Variants in MARF1 observed in about 807,000 individuals in gnomAD.
The protein encoded by MARF1 is meiosis regulator and mRNA stability factor 1, also known as limkain-b1.
MARF1 carries 24 observed loss-of-function variants against 168.2 expected under a neutral mutation model. The observed-to-expected ratio is 0.14, with a 90% CI of 0.10 to 0.20. The LOEUF is 0.20. Ranked by LOEUF, MARF1 falls within the 10% of genes least tolerant of loss-of-function variation. MARF1 has a pLI of 1.00. For missense variants in MARF1, 1,744 were observed against 2,143.6 expected, an observed-to-expected ratio of 0.81 and a Z score of 3.68; for synonymous variants, 868 against 822.4, an observed-to-expected ratio of 1.06 and a Z score of -0.95.
Position 15,612,766 on chromosome 16 carries a change from G to A in MARF1, c.3265C>T (p.Leu1089=). The change falls in exon 17 of 27, where the codon CTG becomes TTG. Residue 1089 remains leucine, a synonymous_variant. Transcript: ENST00000396368. ...PPPPNTDPWL[L]RSKSPVGNPQ... is the part of the protein sequence containing the mutation. The stretch of plus-strand genomic sequence containing the variant: ...TTACCTACAGGACTCTTCGAACGCA[G>A]AAGCCAAGGGTCTAGAAGAAAAAGA... 1 of 1,613,906 alleles carries A rather than the reference G, an allele frequency of 6.2e-7. No individual in the cohort carries two copies. Among genetic ancestry groups the A allele is most frequent in the Non-Finnish European group, 8.5e-7 (1 of 1,179,814 alleles).
At position 15,642,378 on chromosome 16, in the gene MARF1, CTGT is replaced by C. The variant is rs1459064769; in HGVS notation, c.-59+637_-59+639del. On this transcript the variant is annotated intron_variant, in intron 1 of 26. Coordinates refer to ENST00000396368, the MANE Select transcript of MARF1 (RefSeq NM_014647.4). ...ATGCCTGGCATATTTTAATAAATAA[CTGT>C]TGAACGAATAAAGCTTAATAAATAG... 13 of 152,310 alleles carry C rather than the reference CTGT, an allele frequency of 8.5e-5. No individual in the cohort carries two copies. In the East Asian group the frequency reaches 2.5e-3, roughly 29 times the overall value. The allele number at this position is 152,310 out of a possible 1,614,324, so 9.4% of individuals were successfully genotyped here. A position where few individuals can be genotyped will look rare whatever the true frequency, so the allele number is the denominator to read the frequency against.
intron 2 of MARF1, among the ~76,000 whole-genome samples, chr16:15,637,107 T>C (rs1297616501): frequency 1.3e-5 from 2 of 152,190 alleles, no homozygotes; most frequent in African/African-American, 2.4e-5. Flanking sequence ...TACTCAATAG[T>C]TGTATGACCT....
In MARF1 at chr16:15,625,022, C is replaced by A. The variant is rs116690167; in HGVS notation, c.2105G>T (p.Ser702Ile). 5.0e-6 allele frequency: 8 copies of A among 1,614,066 alleles called. No homozygotes were observed. In the African/African-American group the frequency reaches 8.0e-5, roughly 16 times the overall value. Residue 702 changes from serine (S) to isoleucine (I), a missense_variant, in exon 9 of 27, where the codon AGT (serine) becomes ATT (isoleucine). Ser to Ile is a moderately radical substitution (Grantham distance 142). Around this residue, in one of 7 missense-constraint regions of MARF1, gnomAD observed 270 missense variants for 260.6 expected, o/e 1.04. Coordinates refer to ENST00000396368, the MANE Select transcript of MARF1 (RefSeq NM_014647.4). ...SGVAEPVYKT[S>I]QKKENLSARS... ...AAAGAGTAGTTTCACATACTTCTGA[C>A]TGGTTTTGTAAACGGGTTCTGCCAC...
chr16:15,602,424 G>C (rs2032541366), intron 22 of MARF1: 1 of 602,438 alleles, frequency 1.7e-6, no homozygotes. Context: ...AGAAGATGAA[G>C]ACAAAGACGA....
At position 15,643,100 on chromosome 16, in the gene MARF1, C is replaced by A; in HGVS notation, c.-141G>T. ...CCCCCAGGCCCTTTGTTTTGATTCC[C>A]GACTCCGCAGCTCCCGCCGCCGCCG... On this transcript the variant is annotated 5_prime_UTR_variant, in exon 1 of 27. Coordinates refer to ENST00000396368, the MANE Select transcript of MARF1 (RefSeq NM_014647.4). 3.5e-6 allele frequency: 1 copy of A among 286,612 alleles called. No individual in the cohort carries two copies. The highest frequency in any genetic ancestry group is 2.6e-5 in the South Asian group (1 of 37,930). The allele number at this position is 286,612 out of a possible 1,614,324, so 17.8% of individuals were successfully genotyped here.
intron 12 of MARF1, 115 bp from the exon 13 acceptor site, chr16:15,620,646 G>A: frequency 3.1e-6 from 2 of 638,128 alleles, no homozygotes; most frequent in Non-Finnish European, 2.6e-6. Flanking sequence ...ACGGATTTCT[G>A]GTATGTCAGA....
chr16:15,602,233 A>G (rs370142159), intron 22 of MARF1, 30 bp from the exon 23 acceptor site: 8 of 1,586,334 alleles, frequency 5.0e-6, no homozygotes, highest in Admixed American at 1.7e-5. Flanking sequence ...AGCATTAGAA[A>G]TATTAGTGAC....
At chr16:15,632,416 T>C (rs1192299356) in intron 5 of MARF1, among the ~76,000 whole-genome samples, 1 of 152,198 alleles carries the variant, frequency 6.6e-6, no homozygotes. Context: ...CCATAGTTTT[T>C]AGTTTCCGTC....
chr16:15,610,940 G>C (rs755357865), intron 19 of MARF1, 35 bp downstream of exon 19: 1 of 1,602,446 alleles, frequency 6.2e-7, no homozygotes. Flanking sequence ...ACAGGAGATA[G>C]ACAATATCCT....
At chr16:15,597,726 TTTAA>T (rs921506986) in intron 26 of MARF1, among the ~76,000 whole-genome samples, 1 of 152,208 alleles carries the variant, frequency 6.6e-6, no homozygotes, top group Admixed American at 6.5e-5. Flanking sequence ...CCCACAGTGT[TTTAA>T]TTATTTTCCT....
chr16:15,602,780 G>A (rs1299345320), intron 22 of MARF1: 5 of 377,958 alleles, frequency 1.3e-5, no homozygotes, highest in South Asian at 1.0e-4. Flanking sequence ...GAAATCGGGG[G>A]AGGCAAACTG....
Position 15,611,547 on chromosome 16 carries a change from G to A in MARF1, c.3617+45C>T, listed in dbSNP as rs746003071. The A allele has an allele frequency of 9.0e-6, 14 of 1,555,768 alleles. 1 individual carries two copies. The South Asian group carries it at 1.5e-4, about 17-fold the overall frequency. On this transcript the variant is annotated intron_variant, in intron 18 of 26. Coordinates refer to ENST00000396368, the MANE Select transcript of MARF1 (RefSeq NM_014647.4). ...TTTAGAGTTTGGCAGAAGATAAAAT[G>A]TCCTAAAATATTTACTTTCATTTCT...
intron 26 of MARF1, 100 bp downstream of exon 26, chr16:15,598,754 G>A (rs2032039037): frequency 6.0e-6 from 7 of 1,165,082 alleles, no homozygotes; most frequent in South Asian, 5.4e-5. Flanking sequence ...CTGAAAAGGG[G>A]TAGTCCCTTC....
intron 12 of MARF1, among the ~76,000 whole-genome samples, chr16:15,621,111 A>G (rs1481278378): frequency 6.6e-6 from 1 of 152,156 alleles, no homozygotes; most frequent in African/African-American, 2.4e-5. Context: ...ACAACAAAAA[A>G]AAAACCCGTA....
intron 19 of MARF1, 92 bp downstream of exon 19, chr16:15,610,879 CACGG>C (rs1159464426): frequency 8.3e-7 from 1 of 1,204,210 alleles, no homozygotes; most frequent in Non-Finnish European, 1.2e-6. Flanking sequence ...CTTCAGGAAG[CACGG>C]ACAGGGAGGG....
Position 15,608,283 on chromosome 16 carries a change from A to G in MARF1, c.4182+8T>C, listed in dbSNP as rs77404734. The stretch of plus-strand genomic sequence containing the variant: ...GGGAAAAAAAAAAAAAAAAAAAAAA[A>G]CATTTACCTTCACGACATGGCAGAG... On this transcript the variant is annotated splice_region_variant and intron_variant, in intron 21 of 26. Transcript: ENST00000396368. The G allele has an allele frequency of 1.5e-6, 2 of 1,366,518 alleles. No individual in the cohort carries two copies. The highest frequency in any genetic ancestry group is 2.0e-6 in the Non-Finnish European group (2 of 991,848). The allele number at this position is 1,366,518 out of a possible 1,614,324, so 84.6% of individuals were successfully genotyped here.
chr16:15,639,328 T>C (rs2035797706), intron 1 of MARF1, 37 bp from the exon 2 acceptor site: 3 of 1,386,432 alleles, frequency 2.2e-6, no homozygotes, highest in African/African-American at 2.9e-5. Context: ...GTTATTTCCT[T>C]GCATAAGTAC....
At chr16:15,630,138 G>C (rs1367672585) in intron 7 of MARF1, 194 bp downstream of exon 7, 21 of 421,640 alleles carry the variant, frequency 5.0e-5, no homozygotes, top group Non-Finnish European at 1.2e-5. Context: ...ATAAATAAAA[G>C]CAAACTTCAT....
Position 15,621,891 on chromosome 16 carries a change from G to A in MARF1, c.2481C>T (p.Ser827=), listed in dbSNP as rs762767234. The part of the protein sequence containing the change: ...RHGKVKSVEL[S]PHTDYQLKAV... ...CCTTGAGTTGATAATCTGTATGGGG[G>A]CTGAGCTCAACACTCTTCACCTACA... Residue 827 remains serine (S), a synonymous_variant, in exon 12 of 27, where the codon AGC becomes AGT. Transcript: ENST00000396368. The A allele has an allele frequency of 4.3e-6, 7 of 1,614,030 alleles. No homozygotes were observed. The highest frequency in any genetic ancestry group is 5.9e-6 in the Non-Finnish European group (7 of 1,179,990).
Sources: gnomAD v4.1 joint callset for allele counts (sites outside exome capture counted in the v4.1 genomes callset) on GRCh38, gnomAD v4.1.1 for gene constraint, gnomAD v4.1.1 regional missense constraint, MANE v1.5 for transcripts, NCBI Gene and HGNC (gene_info 2026-07-23, HGNC 2026-07-21) for gene names.